Variants in PADI4 observed in about 807,000 individuals in gnomAD.
The protein encoded by PADI4 is protein-arginine deiminase type-4.
Under a neutral mutation model 75.0 loss-of-function variants are expected in PADI4, and 62 were observed. That is an observed-to-expected ratio of 0.83 (90% CI 0.67 to 1.02). The LOEUF is 1.02. PADI4 is among the 50% of genes least tolerant of loss of function. PADI4 has a pLI of 0.00. For synonymous variants in PADI4, 361 were observed against 348.1 expected (o/e 1.04, Z -0.41); for missense variants, 845 against 850.5 (o/e 0.99, Z 0.08).
At chr1:17,340,063 CACACA>C (rs2074390419) in intron 6 of PADI4, among the ~76,000 whole-genome samples, 1 of 151,884 alleles carries the variant, frequency 6.6e-6, no homozygotes, top group South Asian at 2.1e-4. Flanking sequence ...CACACACACA[CACACA>C]CACACACACA....
intron 1 of PADI4, among the ~76,000 whole-genome samples, chr1:17,325,856 G>A (rs1317622674): frequency 1.3e-5 from 2 of 151,916 alleles, no homozygotes; most frequent in Non-Finnish European, 2.9e-5. Context: ...TTACAGACGT[G>A]CACTACCCAG....
chr1:17,326,951 C>A (rs1366906485), intron 1 of PADI4, among the ~76,000 whole-genome samples: 3 of 149,186 alleles, frequency 2.0e-5, no homozygotes, highest in African/African-American at 7.4e-5. Flanking sequence ...CACTCTGTCA[C>A]CCAGGCTGGG....
At chr1:17,358,777 T>A in intron 13 of PADI4, 61 bp from the exon 14 acceptor site, 1 of 1,111,226 alleles carries the variant, frequency 9.0e-7, no homozygotes, top group Non-Finnish European at 1.3e-6. Flanking sequence ...CGGCACTGGC[T>A]GGGAAGAGGG....
intron 1 of PADI4, among the ~76,000 whole-genome samples, chr1:17,316,517 G>A (rs1214050397): frequency 3.3e-5 from 5 of 151,354 alleles, no homozygotes; most frequent in East Asian, 1.9e-4. Context: ...GTGAAACCCC[G>A]TCTCTACTAA....
At chr1:17,352,875 C>T (rs564403783) in intron 10 of PADI4, among the ~76,000 whole-genome samples, 4 of 152,208 alleles carry the variant, frequency 2.6e-5, no homozygotes, top group South Asian at 2.1e-4. Flanking sequence ...GTTGTCGGCT[C>T]GGGAACGGAA....
chr1:17,334,255 T>C (rs1414552001), intron 3 of PADI4: 5 of 508,556 alleles, frequency 9.8e-6, no homozygotes, highest in African/African-American at 1.9e-5. Flanking sequence ...AACATTTTGC[T>C]TCTCAAGTTA....
At chr1:17,362,858 G>A (rs1173521854) in intron 15 of PADI4, among the ~76,000 whole-genome samples, 5 of 152,064 alleles carry the variant, frequency 3.3e-5, no homozygotes, top group Non-Finnish European at 7.4e-5. Context: ...ACAGAGTCTC[G>A]CTCTGTCACC....
At chr1:17,343,073 G>C (rs1249854586) in intron 8 of PADI4, among the ~76,000 whole-genome samples, 1 of 152,146 alleles carries the variant, frequency 6.6e-6, no homozygotes, top group Non-Finnish European at 1.5e-5. Context: ...TGTAATCCCA[G>C]CTACTCGGGA....
chr1:17,352,056 G>T (rs559236483), intron 10 of PADI4, among the ~76,000 whole-genome samples: 2 of 125,188 alleles, frequency 1.6e-5, no homozygotes, highest in African/African-American at 3.3e-5. Flanking sequence ...AGTCAGGGAG[G>T]TGATGGGAGG....
intron 6 of PADI4, among the ~76,000 whole-genome samples, chr1:17,341,635 C>T (rs1390135540): frequency 3.3e-5 from 5 of 152,238 alleles, no homozygotes; most frequent in African/African-American, 7.2e-5. Flanking sequence ...CCCTGTCCCC[C>T]GCTGACATCT....
In PADI4 at chr1:17,350,747, C is replaced by T. The variant is rs144787584; in HGVS notation, c.1155+2699C>T. The stretch of plus-strand genomic sequence containing the variant: ...AAACACTGTTTGAACACATACTCAG[C>T]GGGGCCTTGTTCTAGGCACTTGAGA... On this transcript the variant is annotated intron_variant, in intron 10 of 15. Transcript: ENST00000375448. Among the ~76,000 whole-genome samples the T allele has an allele frequency of 1.1e-4, 14 of 130,742 alleles. 4 individuals are homozygous for T. The South Asian group carries it at 1.4e-3, about 13-fold the overall frequency. 85.8% of individuals were successfully genotyped at this position (130,742 alleles called of 152,430 possible). A position where few individuals can be genotyped will look rare whatever the true frequency, so the allele number is the denominator to read the frequency against.
At chr1:17,325,168 A>G (rs2074097781) in intron 1 of PADI4, among the ~76,000 whole-genome samples, 1 of 152,258 alleles carries the variant, frequency 6.6e-6, no homozygotes, top group African/African-American at 2.4e-5. Flanking sequence ...CATTGAATAT[A>G]TAAATCCATT....
At chr1:17,326,438 T>G (rs2074118594) in intron 1 of PADI4, among the ~76,000 whole-genome samples, 1 of 152,240 alleles carries the variant, frequency 6.6e-6, no homozygotes, top group South Asian at 2.1e-4. Context: ...ATTACTTAAT[T>G]TCCATTATTA....
intron 1 of PADI4, among the ~76,000 whole-genome samples, chr1:17,315,560 C>T (rs2100657598): frequency 6.6e-6 from 1 of 150,636 alleles, no homozygotes; most frequent in East Asian, 1.9e-4. Context: ...CATCAGCCAC[C>T]ACCATCCCTT....
Position 17,332,716 on chromosome 1 carries a change from G to T in PADI4, c.274-1227G>T, listed in dbSNP as rs1046970166. Among the ~76,000 whole-genome samples, 4 of 152,176 alleles carry T rather than the reference G, an allele frequency of 2.6e-5. No homozygotes were observed. In the East Asian group the frequency reaches 7.7e-4, roughly 29 times the overall value. Reference sequence around the variant, plus strand: ...AACAGGACCCTCTGGGGTTCCCACAGATCTCTGGGCCAACAGCCACTTATT... The same window carrying T: ...AACAGGACCCTCTGGGGTTCCCACATATCTCTGGGCCAACAGCCACTTATT... On this transcript the variant is annotated intron_variant, in intron 2 of 15. Transcript: ENST00000375448.
At chr1:17,315,155 G>A (rs1276948222) in intron 1 of PADI4, among the ~76,000 whole-genome samples, 2 of 152,190 alleles carry the variant, frequency 1.3e-5, no homozygotes, top group Non-Finnish European at 2.9e-5. Flanking sequence ...GGACTGGGGG[G>A]AGTCCACAAG....
chr1:17,352,323 C>T (rs530869116), intron 10 of PADI4, among the ~76,000 whole-genome samples: 46 of 151,774 alleles, frequency 3.0e-4, no homozygotes, highest in African/African-American at 6.0e-4. Flanking sequence ...GGGGAAGGGA[C>T]GGGATGACCG....
intron 4 of PADI4, 75 bp downstream of exon 4, chr1:17,336,301 A>C: frequency 2.9e-6 from 3 of 1,035,630 alleles, no homozygotes; most frequent in Non-Finnish European, 4.6e-6. Context: ...TGATGGGGCA[A>C]ATGCTGGCCT....
rs1557576242 is a variant in PADI4, at chr1:17,351,977, GATGGGAGGAGAGGCA to G, written c.1156-2555_1156-2541del. 2.4e-3 allele frequency among the ~76,000 whole-genome samples: 122 copies of G among 51,882 alleles called. 6 individuals carry two copies. The highest frequency in any genetic ancestry group is 4.0e-3 in the Admixed American group (20 of 4,952). 34.0% of individuals were successfully genotyped at this position (51,882 alleles called of 152,430 possible). A position where few individuals can be genotyped will look rare whatever the true frequency, so the allele number is the denominator to read the frequency against. On this transcript the variant is annotated intron_variant, in intron 10 of 15. Transcript: ENST00000375448. ...TGGGAGGAGAGGCGGCCAGGGAGGT[GATGGGAGGAGAGGCA>G]GTCAGGGAGGTGATGGGAGGAGAGG...
Sources: gnomAD v4.1 joint callset for allele counts (sites outside exome capture counted in the v4.1 genomes callset) on GRCh38, gnomAD v4.1.1 for gene constraint, MANE v1.5 for transcripts, NCBI Gene and HGNC (gene_info 2026-07-23, HGNC 2026-07-21) for gene names.